CCDC178: variants seen among roughly 807,000 people sequenced by gnomAD.
CCDC178 encodes the protein coiled-coil domain-containing protein 178.
Under a neutral mutation model 117.4 loss-of-function variants are expected in CCDC178, and 126 were observed. The observed-to-expected ratio is 1.07, with a 90% CI of 0.93 to 1.24. The LOEUF (loss-of-function observed/expected upper bound fraction) is 1.24. Ranked by LOEUF, CCDC178 falls within the 50% of genes most tolerant of loss-of-function variation. The pLI, the probability that CCDC178 is intolerant of heterozygous loss-of-function variation, is 0.00. For synonymous variants in CCDC178, 283 were observed against 313.4 expected (o/e 0.90, Z 1.02); for missense variants, 1,030 against 986.9 (o/e 1.04, Z -0.59).
intron 12 of CCDC178, among the ~76,000 whole-genome samples, chr18:33,276,144 A>G (rs1361774914): frequency 6.6e-6 from 1 of 152,000 alleles, no homozygotes; most frequent in Non-Finnish European, 1.5e-5. Flanking sequence ...CTTTGGGAAA[A>G]CTTTTTTGCA....
rs139486155 is a variant in CCDC178, at chr18:33,342,174, T to C, written c.658+4037A>G. 2.5e-3 allele frequency among the ~76,000 whole-genome samples: 384 copies of C among 152,124 alleles called. 3 individuals carry two copies. The highest frequency in any genetic ancestry group is 8.6e-3 in the African/African-American group (355 of 41,508). On this transcript the variant is annotated intron_variant, in intron 9 of 22. Coordinates refer to ENST00000383096, the MANE Select transcript of CCDC178 (RefSeq NM_001105528.4). ...ATTACTGTGAAATATGTTGAAACCA[T>C]AGAATATCAGGAATAGTTATAAGAA...
chr18:33,072,266 T>G (rs1234370633), intron 21 of CCDC178, among the ~76,000 whole-genome samples: 1 of 152,066 alleles, frequency 6.6e-6, no homozygotes, highest in Non-Finnish European at 1.5e-5. Flanking sequence ...TTAAAAGCAA[T>G]CAAACACAAA....
intron 14 of CCDC178, among the ~76,000 whole-genome samples, chr18:33,260,214 A>G: frequency 6.6e-6 from 1 of 152,018 alleles, no homozygotes; most frequent in East Asian, 1.9e-4. Context: ...CTTTTACTCA[A>G]TATTATGTTT....
chr18:33,369,975 G>A (rs1175095333), intron 6 of CCDC178, 75 bp downstream of exon 6: 4 of 1,233,078 alleles, frequency 3.2e-6, no homozygotes, highest in East Asian at 2.7e-5. Context: ...GAGTTTCCTG[G>A]GTTCTTTAAA....
intron 21 of CCDC178, among the ~76,000 whole-genome samples, chr18:33,091,112 T>G (rs980351237): frequency 6.6e-6 from 1 of 152,106 alleles, no homozygotes; most frequent in African/African-American, 2.4e-5. Context: ...AAATACAGTA[T>G]AGTCAATGAT....
At chr18:33,368,819 T>C (rs1181722484) in intron 6 of CCDC178, among the ~76,000 whole-genome samples, 1 of 152,000 alleles carries the variant, frequency 6.6e-6, no homozygotes, top group African/African-American at 2.4e-5. Context: ...CTTATATTAG[T>C]TTTTTAATCA....
chr18:33,033,443 T>C (rs1233669408), intron 21 of CCDC178, among the ~76,000 whole-genome samples: 3 of 152,130 alleles, frequency 2.0e-5, no homozygotes, highest in Non-Finnish European at 4.4e-5. Context: ...ACTCCTTCCC[T>C]GGCATCTGGC....
intron 20 of CCDC178, among the ~76,000 whole-genome samples, chr18:33,132,902 A>G (rs2058083071): frequency 6.6e-6 from 1 of 151,860 alleles, no homozygotes; most frequent in African/African-American, 2.4e-5. Context: ...ACTTTGCAAC[A>G]GATTTCGATT....
intron 15 of CCDC178, among the ~76,000 whole-genome samples, chr18:33,232,707 GAAATATTTTAAATTAC>G (rs2059381321): frequency 6.6e-6 from 1 of 152,216 alleles, no homozygotes; most frequent in African/African-American, 2.4e-5. Context: ...TGTTTCTGGT[GAAATATTTTAAATTAC>G]AAAAAGAAAT....
chr18:33,378,764 C>G (rs1052584122), intron 5 of CCDC178, among the ~76,000 whole-genome samples: 1 of 152,156 alleles, frequency 6.6e-6, no homozygotes, highest in Non-Finnish European at 1.5e-5. Flanking sequence ...TTGAACCAAA[C>G]TTGCATCCCA....
chr18:33,253,199 T>C (rs2059636981), intron 14 of CCDC178, among the ~76,000 whole-genome samples: 1 of 151,866 alleles, frequency 6.6e-6, no homozygotes, highest in African/African-American at 2.4e-5. Context: ...AAAGGTCTAG[T>C]AAGTATTTGT....
At chr18:33,192,631 T>G (rs899813637) in intron 20 of CCDC178, among the ~76,000 whole-genome samples, 17 of 152,172 alleles carry the variant, frequency 1.1e-4, no homozygotes, top group Non-Finnish European at 2.4e-4. Context: ...CCCTGCGCGG[T>G]GGCTCACGCC....
intron 4 of CCDC178, among the ~76,000 whole-genome samples, chr18:33,392,004 C>T (rs2144829765): frequency 6.6e-6 from 1 of 152,038 alleles, no homozygotes; most frequent in East Asian, 1.9e-4. Context: ...GCTGGGACTA[C>T]AGGAGTGCGC....
chr18:33,339,596 T>C (rs758751127), intron 9 of CCDC178, among the ~76,000 whole-genome samples: 1 of 151,790 alleles, frequency 6.6e-6, no homozygotes, highest in Non-Finnish European at 1.5e-5. Flanking sequence ...CACCCAAATC[T>C]CAACTTGAAT....
chr18:33,296,988 C>T (rs560394965), intron 11 of CCDC178, among the ~76,000 whole-genome samples: 52 of 152,186 alleles, frequency 3.4e-4, no homozygotes, highest in Admixed American at 3.1e-3. Flanking sequence ...TGTGTCACTG[C>T]ACTGCAGCCT....
intron 11 of CCDC178, among the ~76,000 whole-genome samples, chr18:33,297,496 A>G (rs2062120647): frequency 6.6e-6 from 1 of 152,202 alleles, no homozygotes; most frequent in South Asian, 2.1e-4. Context: ...GAGTTATCAC[A>G]ATGGGTACCA....
intron 14 of CCDC178, among the ~76,000 whole-genome samples, chr18:33,249,094 A>G (rs1174312510): frequency 3.3e-5 from 5 of 151,710 alleles, no homozygotes; most frequent in African/African-American, 4.8e-5. Flanking sequence ...CATATCCTTC[A>G]CCCACTTTTT....
At chr18:33,236,011 T>A (rs1460193808) in intron 15 of CCDC178, among the ~76,000 whole-genome samples, 1 of 152,190 alleles carries the variant, frequency 6.6e-6, no homozygotes, top group Non-Finnish European at 1.5e-5. Flanking sequence ...CTAGACATAC[T>A]TCTTGTTCAG....
At chr18:33,356,403 A>G (rs1167479445) in intron 6 of CCDC178, 57 bp from the exon 7 acceptor site, 7 of 1,383,878 alleles carry the variant, frequency 5.1e-6, no homozygotes, top group Non-Finnish European at 6.8e-6. Context: ...AAAAAACTGA[A>G]TAAATGTCAC....
Sources: gnomAD v4.1 joint callset for allele counts (sites outside exome capture counted in the v4.1 genomes callset) on GRCh38, gnomAD v4.1.1 for gene constraint, MANE v1.5 for transcripts, NCBI Gene and HGNC (gene_info 2026-07-23, HGNC 2026-07-21) for gene names.